Variants in OGDH observed in about 807,000 individuals in gnomAD.
OGDH encodes the protein 2-oxoglutarate dehydrogenase complex component E1.
A neutral mutation model predicts 116.6 loss-of-function variants in OGDH; 38 were observed. That is an observed-to-expected ratio of 0.33 (90% CI 0.25 to 0.43). The LOEUF (loss-of-function observed/expected upper bound fraction) is 0.43, where lower values mean the gene tolerates loss of function less well. Among genes scored for constraint, OGDH ranks in the 20% least tolerant of loss-of-function variants. The pLI is 1.00. For synonymous variants in OGDH, 488 were observed against 533.3 expected, an observed-to-expected ratio of 0.92 and a Z score of 1.17; for missense variants, 825 against 1,357.2, an observed-to-expected ratio of 0.61 and a Z score of 6.16.
chr7:44,706,245 C>A (rs558230570), intron 20 of OGDH, among the ~76,000 whole-genome samples: 1 of 151,646 alleles, frequency 6.6e-6, no homozygotes, highest in Admixed American at 6.6e-5. Flanking sequence ...AATATTTTCT[C>A]TGATTGTGTT....
rs1315020764 is a variant in OGDH at position 44,694,407 on chromosome 7, C to G, written c.1516-17C>G. ...GGCCAGCCCTTGTCTCTGACATCCTCTCACTGCTCTGAGCAGGTGTGTTAC... is the reference window on the plus strand; with the variant it reads ...GGCCAGCCCTTGTCTCTGACATCCTGTCACTGCTCTGAGCAGGTGTGTTAC... On this transcript the variant is annotated splice_polypyrimidine_tract_variant and intron_variant, in intron 11 of 22. Transcript: ENST00000222673. This position sits in a 1 kb window ranked among gnomAD's most constrained non-coding sequence, Gnocchi z 4.2. 5 of 1,613,316 alleles carry G rather than the reference C, an allele frequency of 3.1e-6. No homozygotes were observed. The highest frequency in any genetic ancestry group is 1.1e-5 in the South Asian group (1 of 91,030).
At chr7:44,676,309 AC>A in intron 9 of OGDH, 160 bp downstream of exon 9, 1 of 1,487,616 alleles carries the variant, frequency 6.7e-7, no homozygotes, top group Non-Finnish European at 9.0e-7. Flanking sequence ...TAATCCCAGC[AC>A]TTTGGGAGGC....
chr7:44,669,311 C>G (rs1787327129), intron 5 of OGDH, among the ~76,000 whole-genome samples: 1 of 151,954 alleles, frequency 6.6e-6, no homozygotes, highest in East Asian at 1.9e-4. Context: ...ACCACCATGC[C>G]TGGCTAATTT....
chr7:44,647,407 G>C, intron 3 of OGDH: 1 of 1,426,906 alleles, frequency 7.0e-7, no homozygotes. Flanking sequence ...CAGCTCACTG[G>C]ATCTGCTTAA....
At chr7:44,686,318 A>T (rs894628597) in intron 10 of OGDH, among the ~76,000 whole-genome samples, 8 of 152,168 alleles carry the variant, frequency 5.3e-5, no homozygotes, top group African/African-American at 1.9e-4. Context: ...TGGCTAGGGG[A>T]GTTCCCTTCT....
At position 44,696,943 on chromosome 7, in the gene OGDH, G is replaced by A. The variant is rs780594111; in HGVS notation, c.1930G>A (p.Glu644Lys). ...GLSRILKTRG[E>K]MVKNRTVDWA... ...GAGCCGGATCTTGAAGACTCGTGGG[G>A]AAATGGTGAAGAACCGGACTGTGGA... is the stretch of plus-strand genomic sequence containing the variant. Residue 644 changes from glutamate to lysine, a missense_variant, in exon 15 of 23, where the codon GAA becomes AAA. By Grantham distance (56) the Glu-to-Lys change is moderately conservative. This residue lies in a region of OGDH where 92 missense variants were observed against 129.7 expected (regional missense o/e 0.71). Transcript: ENST00000222673. 22 of 1,613,676 alleles carry A rather than the reference G, an allele frequency of 1.4e-5. No individual in the cohort carries two copies. Among genetic ancestry groups the A allele is most frequent in the Admixed American group, 1.7e-5 (1 of 59,964 alleles).
chr7:44,627,911 A>G (rs749283273), intron 2 of OGDH, among the ~76,000 whole-genome samples: 28 of 152,082 alleles, frequency 1.8e-4, no homozygotes, highest in Non-Finnish European at 3.8e-4. Flanking sequence ...TCCTGACCTC[A>G]ATCAGTCTGC....
intron 10 of OGDH, among the ~76,000 whole-genome samples, chr7:44,685,382 G>T (rs1788086249): frequency 6.6e-6 from 1 of 152,112 alleles, no homozygotes; most frequent in South Asian, 2.1e-4. Context: ...GTCTTTTTGT[G>T]CCTGGGCTAT....
At chr7:44,658,103 A>G (rs1786774853) in intron 4 of OGDH, among the ~76,000 whole-genome samples, 1 of 152,190 alleles carries the variant, frequency 6.6e-6, no homozygotes. Flanking sequence ...TTCCTTCTCC[A>G]TATAAATTTG....
At chr7:44,625,759 C>T (rs1785177552) in intron 2 of OGDH, among the ~76,000 whole-genome samples, 1 of 152,318 alleles carries the variant, frequency 6.6e-6, no homozygotes, top group South Asian at 2.1e-4. Flanking sequence ...TCTGCTTCCA[C>T]TGGGCTCCTG....
chr7:44,633,920 C>T (rs371861570), intron 2 of OGDH, among the ~76,000 whole-genome samples: 10 of 152,296 alleles, frequency 6.6e-5, no homozygotes, highest in Middle Eastern at 6.8e-3. Flanking sequence ...AGAAAGACTG[C>T]GTGAGAAAGG....
In OGDH at chr7:44,694,436, C is replaced by T. The variant is rs1255032464; in HGVS notation, c.1528C>T (p.Arg510Cys). The T allele has an allele frequency of 6.2e-7, 1 of 1,613,888 alleles. No individual in the cohort carries two copies. The highest frequency in any genetic ancestry group is 8.5e-7 in the Non-Finnish European group (1 of 1,179,994). The change falls in exon 12 of 23, where the codon CGC becomes TGC. Residue 510 changes from arginine (R) to cysteine (C), a missense_variant. By Grantham distance (180) the Arg-to-Cys change is radical. Coordinates refer to ENST00000222673, the MANE Select transcript of OGDH (RefSeq NM_002541.4). The surrounding 1 kb of genome is among the most constrained non-coding windows in gnomAD (Gnocchi z 4.2). Reference sequence around the variant, plus strand: ...CTGCTCTGAGCAGGTGTGTTACCGGCGCAACGGCCACAACGAGATGGATGA... The same window carrying T: ...CTGCTCTGAGCAGGTGTGTTACCGGTGCAACGGCCACAACGAGATGGATGA... ...DVVVDLVCYRRNGHNEMDEPM... is the reference protein window; with the variant it reads ...DVVVDLVCYRCNGHNEMDEPM...
At chr7:44,666,703 C>A in intron 4 of OGDH, 33 bp from the exon 5 acceptor site, 2 of 1,347,148 alleles carry the variant, frequency 1.5e-6, no homozygotes, top group South Asian at 1.3e-5. Flanking sequence ...CATCCCTCCT[C>A]ATCTGGCTTG....
At chr7:44,672,631 C>CT (rs1585334458) in intron 5 of OGDH, among the ~76,000 whole-genome samples, 3 of 140,908 alleles carry the variant, frequency 2.1e-5, no homozygotes, top group East Asian at 2.1e-4. Context: ...AGAGGGATTT[C>CT]TTTTTGTTTT....
At chr7:44,661,743 A>T (rs1302476430) in intron 4 of OGDH, among the ~76,000 whole-genome samples, 2 of 152,042 alleles carry the variant, frequency 1.3e-5, no homozygotes, top group Non-Finnish European at 2.9e-5. Flanking sequence ...CTGGGATTAT[A>T]GGTGCCTGCC....
chr7:44,707,108 C>T lies in OGDH; in HGVS notation c.2633-117C>T. On this transcript the variant is annotated intron_variant, in intron 20 of 22. Coordinates refer to ENST00000222673, the MANE Select transcript of OGDH (RefSeq NM_002541.4). This position sits in a 1 kb window ranked among gnomAD's most constrained non-coding sequence, Gnocchi z 5.2. ...TCAGAGGCTGGTGAAGGGGAAGCATCTCTAACCCTTGAAAGCTGCGTCTCC... is the reference window on the plus strand; with the variant it reads ...TCAGAGGCTGGTGAAGGGGAAGCATTTCTAACCCTTGAAAGCTGCGTCTCC... 9.1e-7 allele frequency: 1 copy of T among 1,095,856 alleles called. No homozygotes were observed. Among genetic ancestry groups the T allele is most frequent in the South Asian group, 1.5e-5 (1 of 65,192 alleles). 67.9% of individuals were successfully genotyped at this position (1,095,856 alleles called of 1,614,324 possible).
At chr7:44,647,332 T>G (rs561200448) in intron 3 of OGDH, 1 of 673,650 alleles carries the variant, frequency 1.5e-6, no homozygotes, top group South Asian at 1.8e-5. Flanking sequence ...TCGTATGGGT[T>G]TATTGGTGCT....
intron 9 of OGDH, among the ~76,000 whole-genome samples, chr7:44,678,838 G>T (rs1227277970): frequency 6.6e-6 from 1 of 152,202 alleles, no homozygotes; most frequent in African/African-American, 2.4e-5. Flanking sequence ...TGTGTGTTAT[G>T]TAACTCTCAG....
At chr7:44,669,519 C>T (rs148134237) in intron 5 of OGDH, among the ~76,000 whole-genome samples, 150 of 151,828 alleles carry the variant, frequency 9.9e-4, no homozygotes, top group African/African-American at 3.5e-3. Flanking sequence ...CTCCATAGCA[C>T]GTCACAGTGT....
Sources: gnomAD v4.1 joint callset for allele counts (sites outside exome capture counted in the v4.1 genomes callset) on GRCh38, gnomAD v4.1.1 for gene constraint, gnomAD v4.1.1 regional missense constraint, Gnocchi (gnomAD v3.1) non-coding constraint, MANE v1.5 for transcripts, NCBI Gene and HGNC (gene_info 2026-07-23, HGNC 2026-07-21) for gene names.